Variants in RPS6KA2 observed in about 807,000 individuals in gnomAD.
The protein encoded by RPS6KA2 is ribosomal protein S6 kinase A2, also known as ribosomal protein S6 kinase alpha-2.
RPS6KA2 carries 42 observed loss-of-function variants against 91.8 expected under a neutral mutation model. The ratio of observed to expected loss-of-function variants is 0.46; its 90% CI spans 0.36 to 0.59. The LOEUF (loss-of-function observed/expected upper bound fraction) is 0.59. RPS6KA2 is among the 20% of genes least tolerant of loss of function. The pLI is 0.00. For missense variants in RPS6KA2, 798 were observed against 978.5 expected (o/e 0.82, Z 2.46); for synonymous variants, 414 against 393.6 (o/e 1.05, Z -0.61).
intron 1 of RPS6KA2, among the ~76,000 whole-genome samples, chr6:166,566,962 A>T (rs1167651105): frequency 6.6e-6 from 1 of 152,324 alleles, no homozygotes; most frequent in Middle Eastern, 3.4e-3. Flanking sequence ...TAAACCCTAC[A>T]TTACATCGTC....
At chr6:166,624,948 C>T (rs1786796786) in intron 1 of RPS6KA2, among the ~76,000 whole-genome samples, 1 of 152,132 alleles carries the variant, frequency 6.6e-6, no homozygotes, top group African/African-American at 2.4e-5. Context: ...ATTCTCCTGC[C>T]TCAGCCTCCT....
intron 2 of RPS6KA2, among the ~76,000 whole-genome samples, chr6:166,758,493 C>T (rs1302624186): frequency 6.6e-6 from 1 of 152,222 alleles, no homozygotes. Flanking sequence ...GCGTCCAGGG[C>T]TCCGTGTGAT....
At chr6:166,537,587 C>T (rs16899101) in intron 2 of RPS6KA2, among the ~76,000 whole-genome samples, 7,786 of 151,760 alleles carry the variant, frequency 0.051, 656 homozygotes, top group African/African-American at 0.18. Flanking sequence ...TCCAGAACAC[C>T]GATGTACTAT....
rs1291286197 is a variant in RPS6KA2 at position 166,635,536 on chromosome 6, TA to T, written c.124-96753del. Among the ~76,000 whole-genome samples the T allele has an allele frequency of 2.0e-5, 3 of 152,194 alleles. No individual in the cohort carries two copies. On this transcript the variant is annotated intron_variant, in intron 2 of 21. Transcript: ENST00000503859. The surrounding 1 kb of genome is among the most constrained non-coding windows in gnomAD (Gnocchi z 4.8). ...GGTGTTCCGTCAGGGAAGCTCAGGCTAAAGGCCAGTGAGAGCATGGTCCTGA... is the reference window on the plus strand; with the variant it reads ...GGTGTTCCGTCAGGGAAGCTCAGGCTAAGGCCAGTGAGAGCATGGTCCTGA...
chr6:166,842,773 A>C (rs1780517558), intron 2 of RPS6KA2, among the ~76,000 whole-genome samples: 1 of 152,316 alleles, frequency 6.6e-6, no homozygotes, highest in South Asian at 2.1e-4. Context: ...AAGATGGTGG[A>C]TAGGAGGCAG....
chr6:166,644,682 A>G (rs1418242850), intron 2 of RPS6KA2, among the ~76,000 whole-genome samples: 1 of 152,258 alleles, frequency 6.6e-6, no homozygotes, highest in African/African-American at 2.4e-5. Flanking sequence ...GTGTCCATGT[A>G]GCATTAACAT....
At position 166,490,818 on chromosome 6, in the gene RPS6KA2, C is replaced by G; in HGVS notation, c.748-77G>C. The G allele has an allele frequency of 9.5e-7, 1 of 1,056,936 alleles. No homozygotes were observed. Among genetic ancestry groups the G allele is most frequent in the Non-Finnish European group, 1.4e-6 (1 of 695,880 alleles). 65.5% of individuals were successfully genotyped at this position (1,056,936 alleles called of 1,614,324 possible). On this transcript the variant is annotated intron_variant, in intron 8 of 20. Coordinates refer to ENST00000265678, the MANE Select transcript of RPS6KA2 (RefSeq NM_021135.6). The surrounding 1 kb of genome is among the most constrained non-coding windows in gnomAD (Gnocchi z 4.2). ...TTCACGGCAGAGTACCCCAGCAGGG[C>G]AGCCTGCTACCGTGTCCATTTCCTC...
At chr6:166,578,670 C>T (rs1270716995) in intron 1 of RPS6KA2, among the ~76,000 whole-genome samples, 1 of 152,232 alleles carries the variant, frequency 6.6e-6, no homozygotes, top group Non-Finnish European at 1.5e-5. Context: ...TTTTGTAAAC[C>T]TGATCCTCAG....
intron 1 of RPS6KA2, among the ~76,000 whole-genome samples, chr6:166,572,310 G>A (rs1387801389): frequency 1.3e-5 from 2 of 152,176 alleles, no homozygotes; most frequent in Non-Finnish European, 2.9e-5. Flanking sequence ...AGAATGAAAC[G>A]ATTTCAAACT....
At chr6:166,443,858 T>C (rs1779596534) in intron 14 of RPS6KA2, among the ~76,000 whole-genome samples, 1 of 152,224 alleles carries the variant, frequency 6.6e-6, no homozygotes. Flanking sequence ...TTTTCTTAAC[T>C]TTTTAAATAT....
chr6:166,727,662 G>A (rs561455337), intron 2 of RPS6KA2, among the ~76,000 whole-genome samples: 29 of 151,938 alleles, frequency 1.9e-4, no homozygotes, highest in African/African-American at 5.8e-4. Context: ...AGGTATCAGC[G>A]CCCTAAAGCA....
chr6:166,584,935 C>T (rs745751117), intron 1 of RPS6KA2, among the ~76,000 whole-genome samples: 2 of 152,172 alleles, frequency 1.3e-5, no homozygotes, highest in Admixed American at 1.3e-4. Context: ...TTTAAGATCC[C>T]GAGGGGGTGG....
At chr6:166,763,562 A>G (rs965662595) in intron 2 of RPS6KA2, among the ~76,000 whole-genome samples, 4 of 152,248 alleles carry the variant, frequency 2.6e-5, no homozygotes, top group Non-Finnish European at 1.5e-5. Context: ...ATAACGATTT[A>G]CCAAAGAAAA....
chr6:166,644,400 C>T (rs919604775), intron 2 of RPS6KA2, among the ~76,000 whole-genome samples: 5 of 152,134 alleles, frequency 3.3e-5, no homozygotes, highest in Non-Finnish European at 5.9e-5. Flanking sequence ...CAGTCCATGA[C>T]GTCACTTCTT....
chr6:166,527,162 T>G (rs137987091), intron 3 of RPS6KA2, among the ~76,000 whole-genome samples: 15 of 152,274 alleles, frequency 9.9e-5, no homozygotes, highest in African/African-American at 3.1e-4. Context: ...AGCTTCCCGC[T>G]CCTCCATTCC....
Position 166,766,293 on chromosome 6 carries a change from T to C in RPS6KA2, c.123+91907A>G, listed in dbSNP as rs1778309550. ...ATCACCCAGTGAGTATAGTGCTATTTAAAAATTTTTTAGGATAAGCTGAGC... is the reference window on the plus strand; with the variant it reads ...ATCACCCAGTGAGTATAGTGCTATTCAAAAATTTTTTAGGATAAGCTGAGC... On this transcript the variant is annotated intron_variant, in intron 2 of 21. Transcript: ENST00000503859. 2.0e-5 allele frequency among the ~76,000 whole-genome samples: 3 copies of C among 152,248 alleles called. No homozygotes were observed. In the South Asian group the frequency reaches 6.2e-4, roughly 31 times the overall value.
chr6:166,477,175 G>A (rs1781008204), intron 10 of RPS6KA2, among the ~76,000 whole-genome samples: 1 of 152,160 alleles, frequency 6.6e-6, no homozygotes, highest in Admixed American at 6.5e-5. Context: ...TCTGACTGTA[G>A]CTTCTTCATG....
In RPS6KA2 at chr6:166,743,373, C is replaced by T. The variant is rs551431971; in HGVS notation, c.123+114827G>A. ...CCCTCGTGAACATGCCCACAGAACG[C>T]CCAGCAACCAGGCCGAAGAACAATC... On this transcript the variant is annotated intron_variant, in intron 2 of 21. Transcript: ENST00000503859. Among the ~76,000 whole-genome samples, 524 of 152,330 alleles carry T rather than the reference C, an allele frequency of 3.4e-3. 3 individuals are homozygous for T. Among genetic ancestry groups the T allele is most frequent in the African/African-American group, 0.012 (508 of 41,574 alleles).
intron 2 of RPS6KA2, among the ~76,000 whole-genome samples, chr6:166,743,694 T>C (rs578030225): frequency 5.5e-4 from 84 of 152,354 alleles, no homozygotes; most frequent in South Asian, 1.2e-3. Context: ...GGCGGCGCCA[T>C]GCATCCTGCG....
Sources: allele counts gnomAD v4.1 joint callset (sites outside exome capture counted in the v4.1 genomes callset), GRCh38; gene constraint gnomAD v4.1.1; non-coding constraint Gnocchi (gnomAD v3.1); transcripts MANE v1.5; gene names NCBI Gene and HGNC (gene_info 2026-07-23, HGNC 2026-07-21).